ZFHX3: variants seen among roughly 807,000 people sequenced by gnomAD.
The protein encoded by ZFHX3 is zinc finger homeobox protein 3.
A neutral mutation model predicts 279.1 loss-of-function variants in ZFHX3; 42 were observed. The observed-to-expected ratio is 0.15, with a 90% CI of 0.12 to 0.19. The LOEUF (loss-of-function observed/expected upper bound fraction) is 0.19, where lower values mean the gene tolerates loss of function less well. Among genes scored for constraint, ZFHX3 ranks in the 10% least tolerant of loss-of-function variants. ZFHX3 has a pLI of 1.00. For synonymous variants in ZFHX3, 2,293 were observed against 1,957.8 expected (o/e 1.17, Z -4.52); for missense variants, 4,981 against 4,754.0 (o/e 1.05, Z -1.40).
chr16:73,264,066 CTG>C (rs1359797615), intron 4 of ZFHX3, among the ~76,000 whole-genome samples: 1 of 152,132 alleles, frequency 6.6e-6, no homozygotes, highest in African/African-American at 2.4e-5. Context: ...ACTTGGGAGA[CTG>C]AGGCATGAGA....
chr16:73,090,979 T>G (rs1966071323), intron 8 of ZFHX3, among the ~76,000 whole-genome samples: 1 of 148,536 alleles, frequency 6.7e-6, no homozygotes, highest in African/African-American at 2.5e-5. Context: ...TGGGAGGCTG[T>G]GGCTAGCGGA....
chr16:73,227,695 A>C (rs189053338), intron 5 of ZFHX3, among the ~76,000 whole-genome samples: 78 of 151,970 alleles, frequency 5.1e-4, no homozygotes, highest in Admixed American at 3.9e-3. Context: ...CTAAAAATCC[A>C]AAAATTATCC....
intron 4 of ZFHX3, among the ~76,000 whole-genome samples, chr16:72,835,922 T>C (rs115082532): frequency 8.3e-4 from 126 of 152,320 alleles, no homozygotes; most frequent in African/African-American, 3.0e-3. Flanking sequence ...TTCTACAGAA[T>C]ATGCAGGCTT....
At chr16:73,776,937 T>C (rs767239397) in intron 1 of ZFHX3, among the ~76,000 whole-genome samples, 7 of 152,216 alleles carry the variant, frequency 4.6e-5, no homozygotes, top group African/African-American at 1.7e-4. Flanking sequence ...TCCATGCACA[T>C]TGTGTACCTG....
rs754322547 is a variant in ZFHX3 at position 72,787,391 on chromosome 16, G to A, written c.10885C>T (p.Pro3629Ser). The change falls in exon 10 of 10, where the codon CCC becomes TCC. Residue 3629 changes from proline to serine, a missense_variant. This residue lies in a region of ZFHX3 where 1,034 missense variants were observed against 786.0 expected (regional missense o/e 1.32). Transcript: ENST00000268489. Reference protein sequence around the residue: ...QVVSRASAAKPPSFPPLSSSS... With the variant: ...QVVSRASAAKSPSFPPLSSSS... ...GAGGAGAGAGGAGGAAAAGAAGGGG[G>A]CTTCGCTGCCGAAGCCCGGGAGACC... is the stretch of plus-strand genomic sequence containing the variant. The A allele has an allele frequency of 1.9e-5, 31 of 1,604,482 alleles. No homozygotes were observed. In the South Asian group the frequency reaches 3.0e-4, roughly 15 times the overall value.
chr16:72,893,691 A>G (rs1225034288), intron 3 of ZFHX3, among the ~76,000 whole-genome samples: 2 of 152,234 alleles, frequency 1.3e-5, no homozygotes, highest in African/African-American at 4.8e-5. Context: ...CATTACAAAT[A>G]GTGGAGAAAA....
At chr16:73,509,805 C>G (rs1218061715) in intron 2 of ZFHX3, among the ~76,000 whole-genome samples, 1 of 151,638 alleles carries the variant, frequency 6.6e-6, no homozygotes, top group African/African-American at 2.4e-5. Flanking sequence ...AAGCAATTCT[C>G]CTGCCTCAGC....
intron 4 of ZFHX3, among the ~76,000 whole-genome samples, chr16:72,839,269 C>T (rs552628894): frequency 1.4e-3 from 219 of 152,024 alleles, no homozygotes; most frequent in African/African-American, 4.8e-3. Context: ...AAAGGAGGCG[C>T]GCTCTCTGGG....
intron 4 of ZFHX3, among the ~76,000 whole-genome samples, chr16:73,269,664 T>C (rs1157453168): frequency 6.6e-6 from 1 of 152,198 alleles, no homozygotes; most frequent in Non-Finnish European, 1.5e-5. Flanking sequence ...TTCTTTTGGG[T>C]AGATACCTAG....
chr16:73,706,732 C>A (rs906193761), intron 1 of ZFHX3, among the ~76,000 whole-genome samples: 1 of 152,122 alleles, frequency 6.6e-6, no homozygotes, highest in Non-Finnish European at 1.5e-5. Flanking sequence ...TTATGAGAAA[C>A]ATAGTTCCCC....
intron 1 of ZFHX3, among the ~76,000 whole-genome samples, chr16:73,693,075 G>T (rs940312977): frequency 1.3e-5 from 2 of 152,134 alleles, no homozygotes; most frequent in African/African-American, 4.8e-5. Context: ...GACACCACAG[G>T]TCTCTAAAAG....
chr16:73,049,893 T>A (rs1965418080), upstream of ZFHX3, among the ~76,000 whole-genome samples: 1 of 152,058 alleles, frequency 6.6e-6, no homozygotes, highest in Admixed American at 6.5e-5. Context: ...AGAAAACAAT[T>A]AATAATTTAA....
intron 3 of ZFHX3, among the ~76,000 whole-genome samples, chr16:73,375,090 C>G (rs1171355123): frequency 6.6e-6 from 1 of 152,158 alleles, no homozygotes; most frequent in African/African-American, 2.4e-5. Context: ...TCTCTTCTTC[C>G]TCCTTTTTAA....
chr16:73,837,432 G>T (rs1342905732), intron 1 of ZFHX3, among the ~76,000 whole-genome samples: 1 of 152,106 alleles, frequency 6.6e-6, no homozygotes, highest in Non-Finnish European at 1.5e-5. Flanking sequence ...GGAAATCCTG[G>T]AGACAAAAAG....
chr16:73,691,499 C>T (rs1469746256), intron 1 of ZFHX3, among the ~76,000 whole-genome samples: 1 of 152,168 alleles, frequency 6.6e-6, no homozygotes, highest in Non-Finnish European at 1.5e-5. Flanking sequence ...CCTGGCTCTA[C>T]CATGTTTATA....
At chr16:73,510,196 C>T (rs2019404943) in intron 2 of ZFHX3, among the ~76,000 whole-genome samples, 1 of 152,144 alleles carries the variant, frequency 6.6e-6, no homozygotes, top group African/African-American at 2.4e-5. Context: ...GCAATTACAC[C>T]ACTCTCTTCT....
chr16:73,803,120 T>C (rs982123158), intron 1 of ZFHX3, among the ~76,000 whole-genome samples: 2 of 152,178 alleles, frequency 1.3e-5, no homozygotes, highest in Non-Finnish European at 2.9e-5. Flanking sequence ...ATTTCTAATA[T>C]GCGAAGCTCC....
intron 4 of ZFHX3, among the ~76,000 whole-genome samples, chr16:73,316,728 C>G (rs12931107): frequency 2.6e-5 from 4 of 152,170 alleles, no homozygotes; most frequent in Non-Finnish European, 5.9e-5. Flanking sequence ...CCTACCTATA[C>G]TTCCAAACGG....
At chr16:73,371,859 C>T (rs1453325733) in intron 3 of ZFHX3, among the ~76,000 whole-genome samples, 1 of 152,214 alleles carries the variant, frequency 6.6e-6, no homozygotes, top group Non-Finnish European at 1.5e-5. Context: ...CCTTTCCCTC[C>T]CATTCAAGGT....
Sources: gnomAD v4.1 joint callset for allele counts (sites outside exome capture counted in the v4.1 genomes callset) on GRCh38, gnomAD v4.1.1 for gene constraint, gnomAD v4.1.1 regional missense constraint, MANE v1.5 for transcripts, NCBI Gene and HGNC (gene_info 2026-07-23, HGNC 2026-07-21) for gene names.